Variants in MTUS2 observed in about 807,000 individuals in gnomAD.
The protein encoded by MTUS2 is microtubule-associated tumor suppressor candidate 2.
Under a neutral mutation model 114.1 loss-of-function variants are expected in MTUS2, and 40 were observed. The observed-to-expected ratio is 0.35, with a 90% CI of 0.27 to 0.46. The LOEUF (loss-of-function observed/expected upper bound fraction) is 0.46, where lower values mean the gene tolerates loss of function less well. MTUS2 is among the 20% of genes least tolerant of loss of function. The pLI, the probability that MTUS2 is intolerant of heterozygous loss-of-function variation, is 1.00. For missense variants in MTUS2, 1,679 were observed against 1,705.4 expected (o/e 0.98, Z 0.27); for synonymous variants, 688 against 672.0 (o/e 1.02, Z -0.37).
rs1440095204 is a variant in MTUS2, at chr13:29,220,010, T to TG, written c.2645-61694_2645-61693insG. Among the ~76,000 whole-genome samples, 100 of 151,738 alleles carry TG rather than the reference T, an allele frequency of 6.6e-4. 1 individual carries two copies. The highest frequency in any genetic ancestry group is 2.7e-3 in the East Asian group (14 of 5,118). ...ACTGGAACAGCACTTTTTTTTTTTT[T>TG]TTGAGACAGAGTTTTGCTCTTGTTG... is the stretch of plus-strand genomic sequence containing the variant. On this transcript the variant is annotated intron_variant, in intron 5 of 15. Coordinates refer to ENST00000612955, the MANE Select transcript of MTUS2 (RefSeq NM_001033602.4).
chr13:29,298,884 C>A (rs1899066893), intron 6 of MTUS2, among the ~76,000 whole-genome samples: 2 of 152,144 alleles, frequency 1.3e-5, no homozygotes, highest in Non-Finnish European at 2.9e-5. Flanking sequence ...AAGGTCAAAG[C>A]AATTAGGCTG....
At position 29,504,810 on chromosome 13, in the gene MTUS2, G is replaced by A. The variant is rs114018665; in HGVS notation, c.*1604G>A. 0.014 allele frequency: 3,363 copies of A among 232,958 alleles called. 94 individuals are homozygous for A. Among genetic ancestry groups the A allele is most frequent in the African/African-American group, 0.07 (3,181 of 45,392 alleles). The allele number at this position is 232,958 out of a possible 1,614,324, so 14.4% of individuals were successfully genotyped here. A position where few individuals can be genotyped will look rare whatever the true frequency, so the allele number is the denominator to read the frequency against. ...CCTGAGCACAGGCCTGTCTTTGAGC[G>A]TGCCCAAGGCGAGAAGAACCATGAG... On this transcript the variant is annotated 3_prime_UTR_variant, in exon 16 of 16. Coordinates refer to ENST00000612955, the MANE Select transcript of MTUS2 (RefSeq NM_001033602.4).
At chr13:28,874,002 T>C (rs1382710003) in intron 2 of MTUS2, among the ~76,000 whole-genome samples, 1 of 152,208 alleles carries the variant, frequency 6.6e-6, no homozygotes, top group Non-Finnish European at 1.5e-5. Flanking sequence ...TATTCTTAAG[T>C]GTTGGATGAG....
intron 4 of MTUS2, among the ~76,000 whole-genome samples, chr13:29,051,850 C>T (rs1887912062): frequency 6.6e-6 from 1 of 152,152 alleles, no homozygotes; most frequent in Admixed American, 6.5e-5. Context: ...CCACCTCAGG[C>T]TTATGAAATA....
At chr13:29,222,997 T>C (rs995699710) in intron 5 of MTUS2, among the ~76,000 whole-genome samples, 51 of 152,230 alleles carry the variant, frequency 3.4e-4, no homozygotes, top group African/African-American at 1.2e-3. Flanking sequence ...TAAGGGTGGC[T>C]CAGTGTGGGC....
At chr13:29,287,171 C>G (rs1481426279) in intron 6 of MTUS2, among the ~76,000 whole-genome samples, 1 of 152,180 alleles carries the variant, frequency 6.6e-6, no homozygotes, top group African/African-American at 2.4e-5. Context: ...GTATATGTTC[C>G]CAGTCCTTTT....
intron 8 of MTUS2, among the ~76,000 whole-genome samples, chr13:29,385,044 A>G (rs930652757): frequency 6.6e-6 from 1 of 151,840 alleles, no homozygotes; most frequent in Non-Finnish European, 1.5e-5. Flanking sequence ...TCCAGGGTGG[A>G]CCAGCCACTC....
Position 29,422,329 on chromosome 13 carries a change from A to G in MTUS2, c.3118-17654A>G, listed in dbSNP as rs187056563. 1.9e-3 allele frequency among the ~76,000 whole-genome samples: 291 copies of G among 152,326 alleles called. 1 individual carries two copies. The highest frequency in any genetic ancestry group is 6.4e-3 in the African/African-American group (265 of 41,564). ...CCTCATTTACTCATCTGTAAAATGG[A>G]GATGATAATAGTGCTTATCTCACAG... On this transcript the variant is annotated intron_variant, in intron 8 of 15. Coordinates refer to ENST00000612955, the MANE Select transcript of MTUS2 (RefSeq NM_001033602.4).
chr13:28,905,120 G>C (rs544240402), intron 2 of MTUS2, among the ~76,000 whole-genome samples: 6 of 151,704 alleles, frequency 4.0e-5, no homozygotes, highest in Non-Finnish European at 7.4e-5. Context: ...CTGAGACTTT[G>C]CTGAAGTTGC....
rs1284318773 is a variant in MTUS2 at position 28,885,631 on chromosome 13, A to C, written c.-243+45781A>C. Among the ~76,000 whole-genome samples the C allele has an allele frequency of 2.6e-5, 4 of 152,208 alleles. No individual in the cohort carries two copies. The East Asian group carries it at 5.8e-4, about 22-fold the overall frequency. ...TACCTTTGTTGATCTTTAGCTCTGG[A>C]TGGCCATGGTTTATAAGCAGGAAGT... On this transcript the variant is annotated intron_variant, in intron 2 of 15. Coordinates refer to ENST00000612955, the MANE Select transcript of MTUS2 (RefSeq NM_001033602.4).
At chr13:28,879,264 G>C (rs112231864) in intron 2 of MTUS2, among the ~76,000 whole-genome samples, 5,525 of 152,148 alleles carry the variant, frequency 0.036, 324 homozygotes, top group African/African-American at 0.12. Context: ...CATTCTGTAG[G>C]TTGTCTGTTC....
chr13:28,831,764 A>G (rs1034957079), intron 1 of MTUS2, among the ~76,000 whole-genome samples: 6 of 131,554 alleles, frequency 4.6e-5, no homozygotes, highest in African/African-American at 1.4e-4. Flanking sequence ...TTATTTATTT[A>G]TTATTTTTTT....
chr13:29,021,790 G>C (rs541181041), intron 2 of MTUS2, among the ~76,000 whole-genome samples: 1 of 152,292 alleles, frequency 6.6e-6, no homozygotes, highest in Non-Finnish European at 1.5e-5. Flanking sequence ...CAAGGGAAAC[G>C]CTTTTAAAAT....
intron 2 of MTUS2, among the ~76,000 whole-genome samples, chr13:29,011,017 C>T (rs1160954638): frequency 2.0e-5 from 3 of 152,102 alleles, no homozygotes; most frequent in Non-Finnish European, 4.4e-5. Context: ...CTTCCCATGC[C>T]AAACACTTAT....
At chr13:28,933,709 A>G (rs1307243147) in intron 2 of MTUS2, among the ~76,000 whole-genome samples, 1 of 152,208 alleles carries the variant, frequency 6.6e-6, no homozygotes, top group African/African-American at 2.4e-5. Context: ...AGCCCTGTAA[A>G]GATGAACCTT....
chr13:28,838,395 T>C (rs974211921), intron 1 of MTUS2, among the ~76,000 whole-genome samples: 2 of 152,204 alleles, frequency 1.3e-5, no homozygotes, highest in Non-Finnish European at 2.9e-5. Flanking sequence ...GCTGTTGTGC[T>C]GGTGGTGGTA....
chr13:29,039,416 G>T (rs761899815), intron 4 of MTUS2, among the ~76,000 whole-genome samples: 3 of 152,232 alleles, frequency 2.0e-5, no homozygotes, highest in Non-Finnish European at 4.4e-5. Context: ...TGGCCATAGG[G>T]TCCCGCAAGG....
At chr13:29,428,389 T>G (rs1876707638) in intron 8 of MTUS2, among the ~76,000 whole-genome samples, 1 of 152,242 alleles carries the variant, frequency 6.6e-6, no homozygotes, top group South Asian at 2.1e-4. Flanking sequence ...GCTTCCTGCG[T>G]CCGCTCCAGG....
chr13:29,104,587 C>T (rs1402177978), intron 5 of MTUS2, among the ~76,000 whole-genome samples: 1 of 152,120 alleles, frequency 6.6e-6, no homozygotes, highest in African/African-American at 2.4e-5. Context: ...TTCAGATTGC[C>T]TCCTTGTAAT....
Sources: gnomAD v4.1 joint callset for allele counts (sites outside exome capture counted in the v4.1 genomes callset) on GRCh38, gnomAD v4.1.1 for gene constraint, MANE v1.5 for transcripts, NCBI Gene and HGNC (gene_info 2026-07-23, HGNC 2026-07-21) for gene names.